The following SYNE2 variants were observed in gnomAD, a reference collection of about 807,000 sequenced individuals.
The protein encoded by SYNE2 is nesprin-2.
SYNE2 carries 431 observed loss-of-function variants against 856.3 expected under a neutral mutation model. The ratio of observed to expected loss-of-function variants is 0.50; its 90% CI spans 0.47 to 0.55. The LOEUF (loss-of-function observed/expected upper bound fraction) is 0.55. SYNE2 is among the 20% of genes least tolerant of loss of function. SYNE2 has a pLI of 0.00. For synonymous variants in SYNE2, 2,923 were observed against 2,872.3 expected (o/e 1.02, Z -0.56); for missense variants, 8,129 against 8,023.2 (o/e 1.01, Z -0.50).
intron 65 of SYNE2, among the ~76,000 whole-genome samples, chr14:64,110,713 G>A (rs2097799757): frequency 6.6e-6 from 1 of 151,198 alleles, no homozygotes; most frequent in African/African-American, 2.4e-5. Context: ...AAAAACAAGG[G>A]AACTCTGAAT....
At chr14:63,776,856 C>G (rs1313799210) in intron 1 of SYNE2, among the ~76,000 whole-genome samples, 1 of 152,186 alleles carries the variant, frequency 6.6e-6, no homozygotes, top group East Asian at 1.9e-4. Flanking sequence ...CCACCTTGGC[C>G]TCCCAGAGTG....
chr14:64,136,248 C>A (rs1490065659), intron 78 of SYNE2, among the ~76,000 whole-genome samples: 1 of 146,912 alleles, frequency 6.8e-6, no homozygotes, highest in Non-Finnish European at 1.5e-5. Context: ...TGAGATAGCG[C>A]CACTGTACTC....
At position 63,972,909 on chromosome 14, in the gene SYNE2, T is replaced by A. The variant is rs545346601; in HGVS notation, c.1129-3654T>A. On this transcript the variant is annotated intron_variant, in intron 11 of 115. Transcript: ENST00000555002. ...AATTTCTGTTTTATCTTTTGGCAAA[T>A]GTACAAGTAATTAGACACACTAAAA... Among the ~76,000 whole-genome samples the A allele has an allele frequency of 2.6e-5, 4 of 152,350 alleles. 1 individual carries two copies. In the East Asian group the frequency reaches 5.8e-4, roughly 22 times the overall value.
chr14:64,199,713 CAAAAAAAAAAA>C (rs34710996), intron 99 of SYNE2, among the ~76,000 whole-genome samples: 1 of 66,060 alleles, frequency 1.5e-5, no homozygotes, highest in African/African-American at 5.8e-5. Flanking sequence ...GACTCTGTCT[CAAAAAAAAAAA>C]AAAAAAAAAA....
intron 61 of SYNE2, 34 bp downstream of exon 61, chr14:64,093,514 T>C (rs2097647994): frequency 6.2e-7 from 1 of 1,613,800 alleles, no homozygotes; most frequent in Non-Finnish European, 8.5e-7. Flanking sequence ...GTATGTTTCA[T>C]TTGTCCATCA....
At chr14:64,159,564 C>G (rs2098312266) in intron 87 of SYNE2, 122 bp downstream of exon 87, 6 of 1,127,702 alleles carry the variant, frequency 5.3e-6, no homozygotes, top group Non-Finnish European at 7.7e-6. Context: ...TCCTACTGTT[C>G]TGGTCTCTTC....
intron 84 of SYNE2, among the ~76,000 whole-genome samples, chr14:64,149,658 A>G (rs914234580): frequency 1.1e-3 from 167 of 152,348 alleles, no homozygotes; most frequent in African/African-American, 3.9e-3. Context: ...TATGTTCGTG[A>G]TAAAGTCAGA....
At chr14:64,036,274 TGTTCTATC>T (rs2097089570) in intron 45 of SYNE2, among the ~76,000 whole-genome samples, 1 of 152,028 alleles carries the variant, frequency 6.6e-6, no homozygotes, top group South Asian at 2.1e-4. Flanking sequence ...AAACCAAACC[TGTTCTATC>T]GTTCTTTTTG....
rs75153450 is a variant in SYNE2 at position 63,775,581 on chromosome 14, T to G, written c.-305+13595T>G. 2.0e-5 allele frequency among the ~76,000 whole-genome samples: 3 copies of G among 152,056 alleles called. No individual in the cohort carries two copies. In the East Asian group the frequency reaches 5.8e-4, roughly 29 times the overall value. ...GTGAGCCACTATGCCAGACCTATTT[T>G]ATTTATTACTATTTTTTGAGACAGG... On this transcript the variant is annotated intron_variant, in intron 1 of 23. Transcript: ENST00000674003.
chr14:64,053,800 C>T, intron 48 of SYNE2, 143 bp downstream of exon 48: 1 of 723,078 alleles, frequency 1.4e-6, no homozygotes, highest in Non-Finnish European at 2.2e-6. Flanking sequence ...TGCATGTATA[C>T]TAAAAATACA....
intron 68 of SYNE2, 30 bp from the exon 69 acceptor site, chr14:64,121,982 T>C (rs1567363649): frequency 1.9e-6 from 3 of 1,612,268 alleles, no homozygotes; most frequent in South Asian, 1.1e-5. Flanking sequence ...GCTTGATGGA[T>C]TGGACCATTT....
chr14:63,941,830 T>C, intron 4 of SYNE2, 40 bp downstream of exon 4: 2 of 1,611,638 alleles, frequency 1.2e-6, no homozygotes, highest in Non-Finnish European at 1.7e-6. Flanking sequence ...TTCTGTTGAC[T>C]TAAAAAATAT....
intron 61 of SYNE2, among the ~76,000 whole-genome samples, chr14:64,094,260 G>C (rs1349643173): frequency 6.6e-6 from 1 of 151,902 alleles, no homozygotes; most frequent in African/African-American, 2.4e-5. Context: ...AGTGAACCTG[G>C]GAGGCAGAGC....
chr14:63,960,146 C>T (rs1595888271), intron 8 of SYNE2, among the ~76,000 whole-genome samples: 1 of 152,112 alleles, frequency 6.6e-6, no homozygotes, highest in Non-Finnish European at 1.5e-5. Flanking sequence ...CATTATTTTA[C>T]GTATCTCTTG....
Position 64,212,846 on chromosome 14 carries a change from G to C in SYNE2, c.18897G>C (p.Lys6299Asn). The C allele has an allele frequency of 1.2e-6, 2 of 1,614,228 alleles. No homozygotes were observed. Among genetic ancestry groups the C allele is most frequent in the Non-Finnish European group, 1.7e-6 (2 of 1,180,050 alleles). ...AGGAAATTACATTAAATACCAACAA[G>C]ATTGATCAGCTCATTGTGTTTGGGG... ...FQQEITLNTN[K>N]IDQLIVFGEQ... The change falls in exon 105 of 116, where the codon AAG becomes AAC. Residue 6299 changes from lysine (K) to asparagine (N), a missense_variant. Physicochemically the swap from Lys to Asn is moderately conservative, Grantham distance 94. Around this residue, in one of 3 missense-constraint regions of SYNE2, gnomAD observed 5,410 missense variants for 5,284.8 expected, o/e 1.02. Transcript: ENST00000555002.
rs528664966 is a variant in SYNE2 at position 63,764,428 on chromosome 14, G to T, written c.-305+2442G>T. On this transcript the variant is annotated intron_variant, in intron 1 of 23. Coordinates refer to the SYNE2 transcript ENST00000674003. The stretch of plus-strand genomic sequence containing the variant: ...CTCACGCCTATAATCCCAGCACTTT[G>T]AGAGGCCATAGCGGGAGGACTGCTT... Among the ~76,000 whole-genome samples, 132 of 152,216 alleles carry T rather than the reference G, an allele frequency of 8.7e-4. 1 individual carries two copies. The highest frequency in any genetic ancestry group is 1.5e-3 in the Non-Finnish European group (100 of 68,020).
Position 63,797,602 on chromosome 14 carries a change from C to T in SYNE2, c.-305+35616C>T, listed in dbSNP as rs185251129. Among the ~76,000 whole-genome samples, 6 of 152,172 alleles carry T rather than the reference C, an allele frequency of 3.9e-5. No individual in the cohort carries two copies. In the East Asian group the frequency reaches 5.8e-4, roughly 15 times the overall value. ...GATTACAGGCATGCGCCACCACACC[C>T]GGCTAATTTTTGTATTTTCAGTAGA... On this transcript the variant is annotated intron_variant, in intron 1 of 23. Coordinates refer to the SYNE2 transcript ENST00000674003.
At chr14:64,000,074 CA>C (rs2096742338) in intron 27 of SYNE2, among the ~76,000 whole-genome samples, 1 of 151,568 alleles carries the variant, frequency 6.6e-6, no homozygotes, top group African/African-American at 2.4e-5. Flanking sequence ...AGTGCCTTAC[CA>C]AAAAAAGCAT....
At chr14:63,980,338 A>C (rs1005061981) in intron 14 of SYNE2, among the ~76,000 whole-genome samples, 2 of 152,230 alleles carry the variant, frequency 1.3e-5, no homozygotes, top group Admixed American at 1.3e-4. Context: ...TATTAAGGAA[A>C]TGTGCAAAGT....
Sources: gnomAD v4.1 joint callset for allele counts (sites outside exome capture counted in the v4.1 genomes callset) on GRCh38, gnomAD v4.1.1 for gene constraint, gnomAD v4.1.1 regional missense constraint, MANE v1.5 for transcripts, NCBI Gene and HGNC (gene_info 2026-07-23, HGNC 2026-07-21) for gene names.